Variants in NR6A1 observed in about 807,000 individuals in gnomAD.
The protein encoded by NR6A1 is nuclear receptor subfamily 6 group A member 1.
Under a neutral mutation model 59.1 loss-of-function variants are expected in NR6A1, and 7 were observed. That is an observed-to-expected ratio of 0.12 (90% CI 0.07 to 0.22). The LOEUF (loss-of-function observed/expected upper bound fraction) is 0.22. Among genes scored for constraint, NR6A1 ranks in the 10% least tolerant of loss-of-function variants. The pLI, the probability that NR6A1 is intolerant of heterozygous loss-of-function variation, is 1.00. For synonymous variants in NR6A1, 243 were observed against 236.1 expected (o/e 1.03, Z -0.27); for missense variants, 468 against 611.6 (o/e 0.77, Z 2.48).
intron 2 of NR6A1, among the ~76,000 whole-genome samples, chr9:124,663,912 T>A (rs550505305): frequency 2.6e-4 from 39 of 152,016 alleles, no homozygotes; most frequent in Non-Finnish European, 4.9e-4. Flanking sequence ...TACCATTAAG[T>A]ATAAAAAAAA....
intron 2 of NR6A1, among the ~76,000 whole-genome samples, chr9:124,718,658 T>G (rs73585421): frequency 0.018 from 2,774 of 152,242 alleles, 77 homozygotes; most frequent in African/African-American, 0.062. Context: ...AGATACCCTG[T>G]AATCTCATTT....
At chr9:124,546,586 T>C (rs891666866) in intron 3 of NR6A1, among the ~76,000 whole-genome samples, 1 of 152,214 alleles carries the variant, frequency 6.6e-6, no homozygotes, top group Non-Finnish European at 1.5e-5. Flanking sequence ...TGAAATTACT[T>C]CAAAATAAAA....
intron 2 of NR6A1, among the ~76,000 whole-genome samples, chr9:124,713,563 C>G (rs1252657958): frequency 6.6e-6 from 1 of 152,048 alleles, no homozygotes; most frequent in Admixed American, 6.6e-5. Context: ...CATAAAGAAT[C>G]CAATTAAATA....
At chr9:124,756,328 C>T (rs1256424714) in intron 1 of NR6A1, among the ~76,000 whole-genome samples, 1 of 152,164 alleles carries the variant, frequency 6.6e-6, no homozygotes, top group African/African-American at 2.4e-5. Flanking sequence ...TATTAAAGAG[C>T]ATTATAAAAC....
At chr9:124,559,825 TC>T (rs1409880775) in intron 2 of NR6A1, among the ~76,000 whole-genome samples, 2 of 152,220 alleles carry the variant, frequency 1.3e-5, no homozygotes, top group Non-Finnish European at 1.5e-5. Context: ...GTGATTTTTT[TC>T]CTTCTCATTT....
At chr9:124,631,225 T>C (rs951480497) in intron 2 of NR6A1, among the ~76,000 whole-genome samples, 1 of 152,300 alleles carries the variant, frequency 6.6e-6, no homozygotes, top group East Asian at 1.9e-4. Context: ...ATCAGTGATA[T>C]GACATTAAGT....
At chr9:124,539,906 A>G (rs1279123679) in intron 5 of NR6A1, 127 bp downstream of exon 5, 13 of 1,068,076 alleles carry the variant, frequency 1.2e-5, no homozygotes, top group Non-Finnish European at 1.7e-5. Context: ...CTACTCCAAG[A>G]GTCTGAGGGA....
At chr9:124,629,835 TA>T (rs1836372699) in intron 2 of NR6A1, among the ~76,000 whole-genome samples, 1 of 152,224 alleles carries the variant, frequency 6.6e-6, no homozygotes, top group South Asian at 2.1e-4. Flanking sequence ...GTGGTTTTTT[TA>T]AAATAGTCAC....
At chr9:124,746,644 C>T (rs1441349369) in intron 1 of NR6A1, among the ~76,000 whole-genome samples, 1 of 152,006 alleles carries the variant, frequency 6.6e-6, no homozygotes, top group Non-Finnish European at 1.5e-5. Context: ...AAAAACTATT[C>T]AAACCTGGTG....
At chr9:124,705,890 C>T (rs1839117924) in intron 2 of NR6A1, among the ~76,000 whole-genome samples, 2 of 152,056 alleles carry the variant, frequency 1.3e-5, no homozygotes, top group South Asian at 4.2e-4. Context: ...ATTCTCCTGC[C>T]TCAGCCTCCC....
intron 2 of NR6A1, among the ~76,000 whole-genome samples, chr9:124,678,917 A>G (rs919530564): frequency 1.3e-5 from 2 of 152,144 alleles, no homozygotes; most frequent in South Asian, 2.1e-4. Context: ...TGCTGAGGGC[A>G]TTCTAGGAAG....
rs1244720184 is a variant in NR6A1, at chr9:124,739,682, G to A, written c.101-6333C>T. ...TCCTCAAATTGTGACTGGCTATCAT[G>A]AGAGATTAAAATGTCACTGATCTTT... On this transcript the variant is annotated intron_variant, in intron 1 of 9. Transcript: ENST00000487099. Among the ~76,000 whole-genome samples the A allele has an allele frequency of 2.0e-5, 3 of 152,224 alleles. No individual in the cohort carries two copies. In the East Asian group the frequency reaches 5.8e-4, roughly 29 times the overall value.
intron 2 of NR6A1, among the ~76,000 whole-genome samples, chr9:124,601,501 G>A (rs1162387339): frequency 2.7e-5 from 4 of 150,216 alleles, no homozygotes; most frequent in African/African-American, 7.4e-5. Flanking sequence ...GGAGAATGGC[G>A]TGAACCTGGG....
intron 2 of NR6A1, among the ~76,000 whole-genome samples, chr9:124,579,733 G>A (rs143629736): frequency 9.9e-5 from 15 of 152,164 alleles, no homozygotes; most frequent in Middle Eastern, 6.8e-3. Flanking sequence ...AAACATAGCC[G>A]GGCACGGTAG....
chr9:124,634,273 C>T (rs1303437496), intron 2 of NR6A1, among the ~76,000 whole-genome samples: 1 of 152,096 alleles, frequency 6.6e-6, no homozygotes, highest in Non-Finnish European at 1.5e-5. Context: ...AGGTACATAA[C>T]AAAAAAGTTT....
intron 3 of NR6A1, among the ~76,000 whole-genome samples, chr9:124,547,627 G>C (rs1175896309): frequency 6.6e-6 from 1 of 152,084 alleles, no homozygotes; most frequent in East Asian, 1.9e-4. Context: ...CTTACATCAT[G>C]TGCTCTTGAT....
chr9:124,700,497 A>G (rs1272556194), intron 2 of NR6A1, among the ~76,000 whole-genome samples: 1 of 152,176 alleles, frequency 6.6e-6, no homozygotes, highest in African/African-American at 2.4e-5. Flanking sequence ...CTGGGATTAC[A>G]GACATGAGCC....
chr9:124,655,898 T>C (rs982047707), intron 2 of NR6A1, among the ~76,000 whole-genome samples: 1 of 152,192 alleles, frequency 6.6e-6, no homozygotes, highest in Non-Finnish European at 1.5e-5. Context: ...AAGTGTCCAT[T>C]GACAGATGAA....
intron 2 of NR6A1, among the ~76,000 whole-genome samples, chr9:124,571,109 T>C (rs995887242): frequency 6.6e-6 from 1 of 152,114 alleles, no homozygotes; most frequent in African/African-American, 2.4e-5. Context: ...TGGAGATAGA[T>C]GGGGAGGCAG....
Sources: allele counts gnomAD v4.1 joint callset (sites outside exome capture counted in the v4.1 genomes callset), GRCh38; gene constraint gnomAD v4.1.1; transcripts MANE v1.5; gene names NCBI Gene and HGNC (gene_info 2026-07-23, HGNC 2026-07-21).